The following ATF7IP2 variants were observed in gnomAD, a reference collection of about 807,000 sequenced individuals.
The protein encoded by ATF7IP2 is activating transcription factor 7-interacting protein 2.
In ATF7IP2, 42 loss-of-function variants were observed where a neutral mutation model predicts 64.2. The ratio of observed to expected loss-of-function variants is 0.65; its 90% CI spans 0.51 to 0.85. The LOEUF (loss-of-function observed/expected upper bound fraction) is 0.85. Among genes scored for constraint, ATF7IP2 ranks in the 40% least tolerant of loss-of-function variants. The probability of loss-of-function intolerance (pLI) is 0.00; values close to 1 mark genes in which losing one functional copy is unlikely to be tolerated. For missense variants in ATF7IP2, 933 were observed against 784.2 expected, an observed-to-expected ratio of 1.19 and a Z score of -2.27; for synonymous variants, 308 against 272.8, an observed-to-expected ratio of 1.13 and a Z score of -1.27.
intron 1 of ATF7IP2, among the ~76,000 whole-genome samples, chr16:10,393,127 T>G (rs145493101): frequency 0.061 from 9,216 of 151,834 alleles, 355 homozygotes; most frequent in South Asian, 0.13. Flanking sequence ...CTGGCCAACA[T>G]GGTGAAACCC....
rs554983905 is a variant in ATF7IP2, at chr16:10,482,220, A to G, written c.2020A>G (p.Ile674Val). Residue 674 changes from isoleucine to valine, a missense_variant, in exon 14 of 14, where the codon ATC becomes GTC. Transcript: ENST00000562102. ...RYGPFCDIKS[I>V]PGFSENLT ...TGGACCATTCTGTGATATAAAATCT[A>G]TCCCTGGGTTTTCTGAAAATCTTAC... The G allele has an allele frequency of 6.3e-7, 1 of 1,588,866 alleles. No individual in the cohort carries two copies. The highest frequency in any genetic ancestry group is 8.5e-7 in the Non-Finnish European group (1 of 1,171,540).
At chr16:10,413,780 C>A (rs1457300917) in intron 1 of ATF7IP2, among the ~76,000 whole-genome samples, 1 of 152,040 alleles carries the variant, frequency 6.6e-6, no homozygotes, top group Non-Finnish European at 1.5e-5. Context: ...TGTATGTTTC[C>A]TTAATTTATG....
chr16:10,430,698 A>G lies in ATF7IP2; in HGVS notation c.78A>G (p.Val26=), dbSNP rs1262208510. ...TGCCCCTAAGTTGCCGGAAGCAAGT[A>G]GAGATGCTGAATAAGTCAAGGAATG... ...KTMPLSCRKQ[V]EMLNKSRNVE... Residue 26 remains valine, a synonymous_variant, in exon 5 of 14, where the codon GTA becomes GTG. Transcript: ENST00000562102. The G allele has an allele frequency of 5.6e-6, 9 of 1,614,070 alleles. No individual in the cohort carries two copies. The highest frequency in any genetic ancestry group is 1.3e-5 in the African/African-American group (1 of 74,938).
At chr16:10,444,093 C>G (rs983749407) in intron 8 of ATF7IP2, among the ~76,000 whole-genome samples, 2 of 152,080 alleles carry the variant, frequency 1.3e-5, no homozygotes, top group African/African-American at 4.8e-5. Flanking sequence ...GGCTAGTTGC[C>G]TTTGGGTTTG....
chr16:10,474,025 G>A, intron 12 of ATF7IP2, 36 bp downstream of exon 12: 1 of 1,407,774 alleles, frequency 7.1e-7, no homozygotes, highest in South Asian at 1.2e-5. Context: ...TTTGTAAAAA[G>A]GAGGGAAGGG....
intron 3 of ATF7IP2, among the ~76,000 whole-genome samples, chr16:10,422,303 T>C (rs952472979): frequency 5.9e-5 from 9 of 152,206 alleles, no homozygotes; most frequent in Non-Finnish European, 1.3e-4. Context: ...GGCGGGACTT[T>C]GTCTTTCCAC....
intron 8 of ATF7IP2, chr16:10,447,686 A>G (rs1210550287): frequency 2.6e-5 from 4 of 152,160 alleles, no homozygotes; most frequent in African/African-American, 9.7e-5. Context: ...GACTAGATTT[A>G]GCATTTAGAA....
chr16:10,479,082 AG>A (rs2050117236), intron 12 of ATF7IP2, among the ~76,000 whole-genome samples: 1 of 151,126 alleles, frequency 6.6e-6, no homozygotes, highest in Non-Finnish European at 1.5e-5. Context: ...CCCTTGTGGA[AG>A]TCAGTGTGGC....
chr16:10,403,869 C>A (rs1306196576), intron 1 of ATF7IP2, among the ~76,000 whole-genome samples: 1 of 152,266 alleles, frequency 6.6e-6, no homozygotes, highest in East Asian at 1.9e-4. Flanking sequence ...AAGAAATAAT[C>A]TTTTAAATTA....
chr16:10,452,294 A>G (rs1480719227), intron 8 of ATF7IP2, among the ~76,000 whole-genome samples: 4 of 151,958 alleles, frequency 2.6e-5, no homozygotes, highest in Non-Finnish European at 5.9e-5. Context: ...TGACCTTCGG[A>G]TGGGGTCTCT....
intron 12 of ATF7IP2, among the ~76,000 whole-genome samples, chr16:10,478,305 G>T (rs1240221255): frequency 2.0e-5 from 3 of 151,294 alleles, no homozygotes; most frequent in Non-Finnish European, 4.4e-5. Context: ...CCAAAACAGA[G>T]ATATAGATCA....
At chr16:10,436,153 G>C (rs2048412024) in intron 6 of ATF7IP2, among the ~76,000 whole-genome samples, 1 of 152,196 alleles carries the variant, frequency 6.6e-6, no homozygotes, top group Non-Finnish European at 1.5e-5. Context: ...TTGAGGTCAG[G>C]AGTTCAAGAC....
At chr16:10,441,766 A>G (rs2048631493) in intron 8 of ATF7IP2, among the ~76,000 whole-genome samples, 1 of 152,104 alleles carries the variant, frequency 6.6e-6, no homozygotes, top group South Asian at 2.1e-4. Context: ...CCATTTGTCA[A>G]TTTTGGCTTT....
intron 3 of ATF7IP2, among the ~76,000 whole-genome samples, chr16:10,422,806 C>T (rs910249960): frequency 3.9e-5 from 6 of 152,202 alleles, no homozygotes; most frequent in Non-Finnish European, 7.3e-5. Context: ...TCACTTTTCC[C>T]CATTTCCACA....
At chr16:10,481,769 A>AAT in intron 13 of ATF7IP2, 67 bp from the exon 14 acceptor site, 2 of 1,297,516 alleles carry the variant, frequency 1.5e-6, no homozygotes, top group Admixed American at 2.5e-5. Context: ...AAGAATGAGA[A>AAT]ATATATATTT....
At chr16:10,437,999 G>C (rs184087974) in intron 6 of ATF7IP2, 102 bp from the exon 7 acceptor site, 4 of 838,708 alleles carry the variant, frequency 4.8e-6, no homozygotes, top group African/African-American at 3.5e-5. Context: ...TATTTAATTG[G>C]TTACAGTAAA....
chr16:10,411,904 TG>T lies in ATF7IP2; in HGVS notation c.-241-2669del, dbSNP rs1203077125. On this transcript the variant is annotated intron_variant, in intron 1 of 13. Coordinates refer to ENST00000562102, the MANE Select transcript of ATF7IP2 (RefSeq NM_001393719.1). ...CATTTTGTTTCTAGTTGAGCTTATT[TG>T]TTTTTTTTTTTTTCCTCAGCTTTTC... 1.4e-3 allele frequency among the ~76,000 whole-genome samples: 208 copies of T among 148,400 alleles called. 2 individuals are homozygous for T. Among genetic ancestry groups the T allele is most frequent in the Non-Finnish European group, 1.4e-3 (96 of 67,214 alleles).
chr16:10,470,248 GA>G (rs1167615705), intron 9 of ATF7IP2, among the ~76,000 whole-genome samples: 5 of 151,868 alleles, frequency 3.3e-5, no homozygotes, highest in Admixed American at 6.6e-5. Flanking sequence ...ACACAAGCAA[GA>G]AACAATTGGA....
chr16:10,460,195 ACATAT>A (rs955200206), intron 9 of ATF7IP2, among the ~76,000 whole-genome samples: 11 of 152,332 alleles, frequency 7.2e-5, no homozygotes, highest in African/African-American at 2.6e-4. Context: ...AAGCCCCAAA[ACATAT>A]CAAGTACCTA....
Sources: allele counts gnomAD v4.1 joint callset (sites outside exome capture counted in the v4.1 genomes callset), GRCh38; gene constraint gnomAD v4.1.1; transcripts MANE v1.5; gene names NCBI Gene and HGNC (gene_info 2026-07-23, HGNC 2026-07-21).